ABCB5: variants seen among roughly 807,000 people sequenced by gnomAD.
ABCB5 encodes the protein ATP-binding cassette sub-family B member 5.
A neutral mutation model predicts 144.2 loss-of-function variants in ABCB5; 155 were observed. That is an observed-to-expected ratio of 1.08 (90% CI 0.94 to 1.23). The LOEUF (loss-of-function observed/expected upper bound fraction) is 1.23, where lower values mean the gene tolerates loss of function less well. Ranked by LOEUF, ABCB5 falls within the 50% of genes most tolerant of loss-of-function variation. ABCB5 has a pLI of 0.00. For synonymous variants in ABCB5, 610 were observed against 528.6 expected (o/e 1.15, Z -2.11); for missense variants, 1,830 against 1,520.8 (o/e 1.20, Z -3.38).
chr7:20,683,557 CTTAAGTTAAA>C (rs1333780492), intron 15 of ABCB5, among the ~76,000 whole-genome samples: 2 of 147,768 alleles, frequency 1.4e-5, no homozygotes, highest in African/African-American at 4.9e-5. Context: ...CATTATAGGT[CTTAAGTTAAA>C]TGCTTTCACA....
chr7:20,752,272 C>T (rs971361783), intron 26 of ABCB5, among the ~76,000 whole-genome samples: 6 of 152,138 alleles, frequency 3.9e-5, no homozygotes, highest in Non-Finnish European at 5.9e-5. Context: ...TACAAAAGTG[C>T]CAAGGGCCAC....
At chr7:20,731,369 A>AAAAAAAAAAATATATATATATAT (rs57305244) in intron 23 of ABCB5, among the ~76,000 whole-genome samples, 1 of 123,100 alleles carries the variant, frequency 8.1e-6, no homozygotes, top group African/African-American at 3.3e-5. Flanking sequence ...AAAAAAAAAA[A>AAAAAAAAAAATATATATATATAT]ATATATATAT....
At chr7:20,625,353 T>C (rs1583374974) in intron 2 of ABCB5, among the ~76,000 whole-genome samples, 1 of 152,320 alleles carries the variant, frequency 6.6e-6, no homozygotes, top group South Asian at 2.1e-4. Flanking sequence ...CCCTACAGTC[T>C]TCTCTTAATG....
At chr7:20,658,220 C>G (rs1025640746) in intron 13 of ABCB5, among the ~76,000 whole-genome samples, 3 of 151,826 alleles carry the variant, frequency 2.0e-5, no homozygotes, top group Non-Finnish European at 4.4e-5. Context: ...GAGATTTGGA[C>G]ATTAGTTTAA....
chr7:20,652,235 ATC>A (rs1784619017), intron 13 of ABCB5, among the ~76,000 whole-genome samples: 1 of 152,200 alleles, frequency 6.6e-6, no homozygotes, highest in South Asian at 2.1e-4. Flanking sequence ...AAAAACTATG[ATC>A]ATTTTTTAAA....
intron 14 of ABCB5, among the ~76,000 whole-genome samples, chr7:20,675,094 T>G (rs1024062143): frequency 6.6e-6 from 1 of 151,950 alleles, no homozygotes; most frequent in East Asian, 1.9e-4. Context: ...AGATTTAGTA[T>G]AACCTTGATC....
At chr7:20,659,165 C>A in intron 14 of ABCB5, 1 of 1,613,436 alleles carries the variant, frequency 6.2e-7, no homozygotes, top group Non-Finnish European at 8.5e-7. Flanking sequence ...TCAAACCTCA[C>A]CCTGACCTCC....
At chr7:20,671,163 A>G (rs1785450859) in intron 14 of ABCB5, among the ~76,000 whole-genome samples, 1 of 152,004 alleles carries the variant, frequency 6.6e-6, no homozygotes, top group Non-Finnish European at 1.5e-5. Context: ...CCTGTCTGCA[A>G]CTCTATATCA....
intron 20 of ABCB5, among the ~76,000 whole-genome samples, chr7:20,710,382 GT>G (rs36086550): frequency 0.16 from 5,457 of 35,030 alleles, 927 homozygotes; most frequent in Non-Finnish European, 0.2. Flanking sequence ...AAAAAAAAAA[GT>G]GGGGGGGGGG....
chr7:20,676,491 C>T (rs117501463), intron 14 of ABCB5, among the ~76,000 whole-genome samples: 58 of 152,166 alleles, frequency 3.8e-4, no homozygotes, highest in Non-Finnish European at 6.9e-4. Context: ...ATAAGCCAGT[C>T]GCAGAAGGAC....
At chr7:20,655,090 AG>A (rs1219582869) in intron 13 of ABCB5, among the ~76,000 whole-genome samples, 2 of 118,386 alleles carry the variant, frequency 1.7e-5, no homozygotes, top group African/African-American at 7.3e-5. Flanking sequence ...GAAAAAAGAG[AG>A]AGAGAGAGAA....
chr7:20,716,714 G>T (rs1781685001), intron 20 of ABCB5, among the ~76,000 whole-genome samples: 1 of 152,258 alleles, frequency 6.6e-6, no homozygotes, highest in South Asian at 2.1e-4. Context: ...TATTCTTAAG[G>T]TCAGCTTTAC....
Position 20,720,814 on chromosome 7 carries a change from C to T in ABCB5, c.2422-2202C>T, listed in dbSNP as rs558075850. On this transcript the variant is annotated intron_variant, in intron 20 of 27. Transcript: ENST00000404938. ...CAAAAATTAGCCGGGCATGGTGGTG[C>T]GCGCCTGTAGTCCCAGCTACACGGG... Among the ~76,000 whole-genome samples the T allele has an allele frequency of 1.4e-3, 216 of 151,570 alleles. 2 individuals are homozygous for T. In the Middle Eastern group the frequency reaches 0.017, roughly 12 times the overall value.
intron 20 of ABCB5, among the ~76,000 whole-genome samples, chr7:20,710,386 G>T (rs1001953650): frequency 1.6e-5 from 2 of 121,604 alleles, no homozygotes; most frequent in Non-Finnish European, 3.5e-5. Context: ...AAAAAAGTGG[G>T]GGGGGGGCAT....
At chr7:20,686,095 A>G (rs1013138920) in intron 16 of ABCB5, among the ~76,000 whole-genome samples, 4 of 152,128 alleles carry the variant, frequency 2.6e-5, no homozygotes, top group African/African-American at 7.2e-5. Context: ...TGTTTTTCCT[A>G]TGAAGCAAAC....
intron 13 of ABCB5, among the ~76,000 whole-genome samples, chr7:20,652,342 CA>C (rs1296981812): frequency 6.6e-6 from 1 of 152,104 alleles, no homozygotes; most frequent in Non-Finnish European, 1.5e-5. Flanking sequence ...CCGAGGTGGG[CA>C]GATCACCTGA....
intron 20 of ABCB5, 45 bp from the exon 21 acceptor site, chr7:20,722,971 G>A (rs371723321): frequency 7.7e-6 from 12 of 1,565,634 alleles, no homozygotes; most frequent in African/African-American, 2.7e-5. Flanking sequence ...TCTTGTAAAT[G>A]TAAAGTTAAT....
intron 12 of ABCB5, 39 bp from the exon 13 acceptor site, chr7:20,651,381 A>T: frequency 6.2e-7 from 1 of 1,604,360 alleles, no homozygotes; most frequent in Non-Finnish European, 8.5e-7. Flanking sequence ...TCAATACAGT[A>T]AAAGGCATCA....
At chr7:20,708,555 C>CT (rs1786900593) in intron 20 of ABCB5, among the ~76,000 whole-genome samples, 1 of 152,124 alleles carries the variant, frequency 6.6e-6, no homozygotes, top group Non-Finnish European at 1.5e-5. Flanking sequence ...TTGCAAAAAA[C>CT]TTTACCACTG....
Sources: gnomAD v4.1 joint callset for allele counts (sites outside exome capture counted in the v4.1 genomes callset) on GRCh38, gnomAD v4.1.1 for gene constraint, MANE v1.5 for transcripts, NCBI Gene and HGNC (gene_info 2026-07-23, HGNC 2026-07-21) for gene names.